Variants in KCTD16 observed in about 807,000 individuals in gnomAD.
KCTD16 encodes the protein BTB/POZ domain-containing protein KCTD16.
KCTD16 carries 13 observed loss-of-function variants against 33.2 expected under a neutral mutation model. The ratio of observed to expected loss-of-function variants is 0.39; its 90% CI spans 0.25 to 0.62. The LOEUF is 0.62. Among genes scored for constraint, KCTD16 ranks in the 20% least tolerant of loss-of-function variants. The probability of loss-of-function intolerance (pLI) is 0.50; values close to 1 mark genes in which losing one functional copy is unlikely to be tolerated. For synonymous variants in KCTD16, 197 were observed against 195.3 expected (o/e 1.01, Z -0.07); for missense variants, 441 against 525.1 (o/e 0.84, Z 1.57).
At chr5:144,308,760 G>A (rs1359283562) in intron 3 of KCTD16, among the ~76,000 whole-genome samples, 1 of 69,780 alleles carries the variant, frequency 1.4e-5, no homozygotes, top group East Asian at 3.0e-4. Flanking sequence ...AGATTGTGGG[G>A]TGGGGTGGGG....
chr5:144,194,916 C>A (rs1752913753), intron 2 of KCTD16, among the ~76,000 whole-genome samples: 1 of 152,126 alleles, frequency 6.6e-6, no homozygotes, highest in Non-Finnish European at 1.5e-5. Flanking sequence ...ACTAGGTGAA[C>A]TTAAGGAAAA....
chr5:144,416,238 G>C (rs957034544), intron 3 of KCTD16, among the ~76,000 whole-genome samples: 2 of 151,514 alleles, frequency 1.3e-5, no homozygotes, highest in Admixed American at 6.6e-5. Context: ...AAAATATTTA[G>C]TTTTGTTTCT....
chr5:144,317,822 C>T (rs548701015), intron 3 of KCTD16, among the ~76,000 whole-genome samples: 4 of 152,262 alleles, frequency 2.6e-5, no homozygotes, highest in Non-Finnish European at 5.9e-5. Context: ...GTATTTCTAT[C>T]ATAGTATGCA....
chr5:144,417,731 G>C (rs577186023), intron 3 of KCTD16, among the ~76,000 whole-genome samples: 1 of 151,990 alleles, frequency 6.6e-6, no homozygotes, highest in African/African-American at 2.4e-5. Context: ...TATGGTTTTA[G>C]GTCTCCTATG....
chr5:144,209,003 C>T (rs897391382), intron 3 of KCTD16, among the ~76,000 whole-genome samples: 1 of 152,080 alleles, frequency 6.6e-6, no homozygotes, highest in Admixed American at 6.5e-5. Context: ...GGCTTTTTAG[C>T]TTTCTATAAA....
At chr5:144,244,569 T>C (rs1754498137) in intron 3 of KCTD16, among the ~76,000 whole-genome samples, 1 of 152,222 alleles carries the variant, frequency 6.6e-6, no homozygotes, top group Non-Finnish European at 1.5e-5. Flanking sequence ...TCAGATATAC[T>C]TTATGGTCAG....
At chr5:144,431,369 C>T (rs909594884) in intron 3 of KCTD16, among the ~76,000 whole-genome samples, 1 of 152,136 alleles carries the variant, frequency 6.6e-6, no homozygotes, top group Non-Finnish European at 1.5e-5. Context: ...AGCTTCTTCA[C>T]AAATACAATG....
intron 3 of KCTD16, among the ~76,000 whole-genome samples, chr5:144,378,075 T>C (rs1006586810): frequency 2.6e-5 from 4 of 152,170 alleles, no homozygotes; most frequent in Non-Finnish European, 4.4e-5. Flanking sequence ...TTAGCAGATA[T>C]TCAGATTTCC....
intron 3 of KCTD16, among the ~76,000 whole-genome samples, chr5:144,344,411 A>G (rs550979025): frequency 4.2e-5 from 6 of 144,344 alleles, no homozygotes; most frequent in Admixed American, 2.8e-4. Flanking sequence ...ATCAGAGTGA[A>G]CAGGCAACCT....
chr5:144,458,456 C>T (rs188487728), intron 3 of KCTD16, among the ~76,000 whole-genome samples: 60 of 152,224 alleles, frequency 3.9e-4, no homozygotes, highest in African/African-American at 1.3e-3. Context: ...TTCTCTGTTC[C>T]AAGATTTCTG....
chr5:144,441,481 C>T (rs58374150), intron 3 of KCTD16, among the ~76,000 whole-genome samples: 12,480 of 151,934 alleles, frequency 0.082, 1,695 homozygotes, highest in African/African-American at 0.28. Context: ...ACAACGATAT[C>T]TTAAGTTACT....
intron 3 of KCTD16, among the ~76,000 whole-genome samples, chr5:144,459,098 G>A (rs959651527): frequency 6.6e-6 from 1 of 152,198 alleles, no homozygotes; most frequent in Non-Finnish European, 1.5e-5. Flanking sequence ...ACAGGAACTG[G>A]AGACAGCCGG....
chr5:144,306,022 T>G (rs1200254488), intron 3 of KCTD16, among the ~76,000 whole-genome samples: 1 of 152,100 alleles, frequency 6.6e-6, no homozygotes, highest in Non-Finnish European at 1.5e-5. Flanking sequence ...AAACAGATGG[T>G]CAGTGTAGCT....
At chr5:144,424,000 C>CT (rs1231522489) in intron 3 of KCTD16, among the ~76,000 whole-genome samples, 1 of 152,052 alleles carries the variant, frequency 6.6e-6, no homozygotes, top group East Asian at 1.9e-4. Flanking sequence ...AAAGAAAGTC[C>CT]TCACATTAAA....
chr5:144,350,555 A>G (rs931347234), intron 3 of KCTD16, among the ~76,000 whole-genome samples: 1 of 152,160 alleles, frequency 6.6e-6, no homozygotes, highest in African/African-American at 2.4e-5. Context: ...TGGCTGCAGT[A>G]ATTCTCCAGC....
Position 144,478,324 on chromosome 5 carries a change from G to C in KCTD16, c.*4210G>C, listed in dbSNP as rs1051790982. On this transcript the variant is annotated 3_prime_UTR_variant, in exon 4 of 4. Coordinates refer to ENST00000512467, the MANE Select transcript of KCTD16 (RefSeq NM_020768.4). ...CATCATTCTGGTTTCAGACGAAATG[G>C]TTATTGCTCTCTACCCCTGCTGAAA... 2 of 151,968 alleles carry C rather than the reference G, an allele frequency of 1.3e-5. No individual in the cohort carries two copies. The highest frequency in any genetic ancestry group is 4.8e-5 in the African/African-American group (2 of 41,404). 9.4% of individuals were successfully genotyped at this position (151,968 alleles called of 1,614,324 possible).
chr5:144,347,510 G>C (rs568291660), intron 3 of KCTD16, among the ~76,000 whole-genome samples: 4 of 152,092 alleles, frequency 2.6e-5, no homozygotes, highest in Non-Finnish European at 5.9e-5. Context: ...CAGGAGAATC[G>C]CTTGAACTGG....
rs191169887 is a variant in KCTD16 at position 144,281,760 on chromosome 5, T to C, written c.832+74214T>C. Among the ~76,000 whole-genome samples, 159 of 152,324 alleles carry C rather than the reference T, an allele frequency of 1.0e-3. 1 individual carries two copies. The highest frequency in any genetic ancestry group is 3.5e-3 in the African/African-American group (147 of 41,586). On this transcript the variant is annotated intron_variant, in intron 3 of 3. Coordinates refer to ENST00000512467, the MANE Select transcript of KCTD16 (RefSeq NM_020768.4). ...TTGTTGATTTTCTTTCTACTTGATCTTTTGATTACTGAGAGATAAGTGTTA... is the reference window on the plus strand; with the variant it reads ...TTGTTGATTTTCTTTCTACTTGATCCTTTGATTACTGAGAGATAAGTGTTA...
intron 3 of KCTD16, among the ~76,000 whole-genome samples, chr5:144,451,821 GCC>G (rs1380071761): frequency 6.6e-6 from 1 of 152,044 alleles, no homozygotes; most frequent in African/African-American, 2.4e-5. Flanking sequence ...TCATTTCAAT[GCC>G]CTGGCTCAGA....
Sources: gnomAD v4.1 joint callset for allele counts (sites outside exome capture counted in the v4.1 genomes callset) on GRCh38, gnomAD v4.1.1 for gene constraint, MANE v1.5 for transcripts, NCBI Gene and HGNC (gene_info 2026-07-23, HGNC 2026-07-21) for gene names.